Variants in PLXNC1 observed in about 807,000 individuals in gnomAD.
PLXNC1 encodes the protein plexin C1.
A neutral mutation model predicts 178.2 loss-of-function variants in PLXNC1; 75 were observed. The ratio of observed to expected loss-of-function variants is 0.42; its 90% CI spans 0.35 to 0.51. PLXNC1 has a LOEUF of 0.51. Among genes scored for constraint, PLXNC1 ranks in the 20% least tolerant of loss-of-function variants. The pLI is 0.02. For missense variants in PLXNC1, 1,503 were observed against 1,984.4 expected (o/e 0.76, Z 4.61); for synonymous variants, 790 against 779.9 (o/e 1.01, Z -0.22).
At chr12:94,270,335 T>A (rs377275861) in intron 21 of PLXNC1, among the ~76,000 whole-genome samples, 1 of 152,238 alleles carries the variant, frequency 6.6e-6, no homozygotes. Context: ...CCTGCTACAG[T>A]GCAGAGTGGA....
chr12:94,268,297 G>A (rs1234138888), intron 21 of PLXNC1, among the ~76,000 whole-genome samples: 1 of 152,166 alleles, frequency 6.6e-6, no homozygotes, highest in Non-Finnish European at 1.5e-5. Context: ...CTAACAAAGA[G>A]GCCCTGGGAA....
At chr12:94,283,394 A>G (rs1333177742) in intron 23 of PLXNC1, among the ~76,000 whole-genome samples, 1 of 152,190 alleles carries the variant, frequency 6.6e-6, no homozygotes, top group Non-Finnish European at 1.5e-5. Flanking sequence ...GTGACAGCTG[A>G]TTATAGTCAG....
chr12:94,209,598 T>C lies in PLXNC1; in HGVS notation c.1448T>C (p.Phe483Ser). Residue 483 changes from phenylalanine to serine, a missense_variant, in exon 5 of 31, where the codon TTT (phenylalanine) becomes TCT (serine). Physicochemically the swap from Phe to Ser is radical, Grantham distance 155. Transcript: ENST00000258526. ...TTGCCTCGTTTTTTTAGGTGCACTT[T>C]TCAAGGAGATTGTGTACATTCAGAG... ...GWCHSLQRCT[F>S]QGDCVHSENL... 2 of 1,609,486 alleles carry C rather than the reference T, an allele frequency of 1.2e-6. No individual in the cohort carries two copies. The highest frequency in any genetic ancestry group is 2.2e-5 in the East Asian group (1 of 44,858).
At chr12:94,271,102 T>G (rs1965542528) in intron 21 of PLXNC1, among the ~76,000 whole-genome samples, 1 of 152,214 alleles carries the variant, frequency 6.6e-6, no homozygotes, top group Non-Finnish European at 1.5e-5. Flanking sequence ...TTAATTCAGG[T>G]TGGTATAAGA....
At chr12:94,280,016 CATTTG>C (rs763396127) in intron 22 of PLXNC1, 51 of 374,006 alleles carry the variant, frequency 1.4e-4, no homozygotes, top group Non-Finnish European at 2.2e-4. Flanking sequence ...TTCACATTGG[CATTTG>C]ATTTGTTTGT....
intron 21 of PLXNC1, among the ~76,000 whole-genome samples, chr12:94,278,382 G>A (rs1029093809): frequency 6.6e-6 from 1 of 152,208 alleles, no homozygotes; most frequent in Non-Finnish European, 1.5e-5. Context: ...TGTTGTTTTA[G>A]ATCTATTTGT....
At chr12:94,301,511 C>T (rs1001023256) in intron 28 of PLXNC1, among the ~76,000 whole-genome samples, 7 of 152,214 alleles carry the variant, frequency 4.6e-5, no homozygotes, top group Admixed American at 3.3e-4. Flanking sequence ...CTAATCAAAG[C>T]ATGAGTACTG....
At chr12:94,241,200 T>C (rs1964378685) in intron 11 of PLXNC1, among the ~76,000 whole-genome samples, 2 of 152,370 alleles carry the variant, frequency 1.3e-5, no homozygotes, top group South Asian at 2.1e-4. Flanking sequence ...AATTTATTAC[T>C]ATTATGTATT....
intron 21 of PLXNC1, among the ~76,000 whole-genome samples, chr12:94,265,641 C>G (rs1965193097): frequency 6.6e-6 from 1 of 152,204 alleles, no homozygotes; most frequent in Admixed American, 6.5e-5. Context: ...AGAATGATAA[C>G]ACAAGACAAA....
intron 14 of PLXNC1, among the ~76,000 whole-genome samples, chr12:94,250,015 GAA>G (rs1964637762): frequency 6.6e-6 from 1 of 152,068 alleles, no homozygotes; most frequent in Admixed American, 6.5e-5. Context: ...GCCTGCTTGT[GAA>G]AGTGACATCT....
intron 5 of PLXNC1, among the ~76,000 whole-genome samples, chr12:94,216,160 C>T (rs375095484): frequency 6.6e-6 from 1 of 151,634 alleles, no homozygotes; most frequent in Non-Finnish European, 1.5e-5. Context: ...CCCAGCTACT[C>T]GGGAGGCTGA....
chr12:94,255,693 T>C (rs1441022524), intron 17 of PLXNC1, among the ~76,000 whole-genome samples: 1 of 152,216 alleles, frequency 6.6e-6, no homozygotes. Flanking sequence ...GTGACTAGAT[T>C]ATTCACTATT....
At chr12:94,186,083 G>GA (rs139238901) in intron 3 of PLXNC1, 20 of 268,336 alleles carry the variant, frequency 7.5e-5, no homozygotes, top group African/African-American at 1.7e-4. Flanking sequence ...GTGTCTTTAA[G>GA]AAAAAAATCT....
intron 21 of PLXNC1, among the ~76,000 whole-genome samples, chr12:94,274,754 G>A (rs1226057476): frequency 1.3e-5 from 2 of 152,158 alleles, no homozygotes; most frequent in East Asian, 1.9e-4. Flanking sequence ...TTAAGAACAC[G>A]GAGCTTGAGT....
chr12:94,191,772 A>AAC (rs1313145470), intron 4 of PLXNC1, among the ~76,000 whole-genome samples: 1 of 151,724 alleles, frequency 6.6e-6, no homozygotes, highest in Non-Finnish European at 1.5e-5. Flanking sequence ...TCCATCTCAA[A>AAC]AAAAAAAAGG....
intron 23 of PLXNC1, among the ~76,000 whole-genome samples, chr12:94,292,168 A>G (rs540357638): frequency 2.2e-4 from 33 of 152,336 alleles, no homozygotes; most frequent in African/African-American, 6.3e-4. Context: ...CACAGACCTT[A>G]TACTGACCCT....
At chr12:94,225,995 G>T (rs951213381) in intron 7 of PLXNC1, among the ~76,000 whole-genome samples, 1 of 152,168 alleles carries the variant, frequency 6.6e-6, no homozygotes, top group African/African-American at 2.4e-5. Context: ...GCCTCCCTTG[G>T]CCCTGTTTCC....
At chr12:94,246,286 T>C (rs1297011929) in intron 12 of PLXNC1, among the ~76,000 whole-genome samples, 5 of 152,322 alleles carry the variant, frequency 3.3e-5, no homozygotes, top group Non-Finnish European at 4.4e-5. Flanking sequence ...TGCAGGTGTG[T>C]CTGAGACGTC....
At chr12:94,167,051 A>C (rs1273657745) in intron 1 of PLXNC1, among the ~76,000 whole-genome samples, 1 of 151,490 alleles carries the variant, frequency 6.6e-6, no homozygotes, top group Non-Finnish European at 1.5e-5. Context: ...ACTTACTTTG[A>C]AAAAAAAACT....
Sources: allele counts gnomAD v4.1 joint callset (sites outside exome capture counted in the v4.1 genomes callset), GRCh38; gene constraint gnomAD v4.1.1; transcripts MANE v1.5; gene names NCBI Gene and HGNC (gene_info 2026-07-23, HGNC 2026-07-21).